Variants in LRRC66 observed in about 807,000 individuals in gnomAD.
The protein encoded by LRRC66 is leucine-rich repeat-containing protein 66.
Under a neutral mutation model 24.6 loss-of-function variants are expected in LRRC66, and 29 were observed. The ratio of observed to expected loss-of-function variants is 1.18; its 90% CI spans 0.88 to 1.61. The LOEUF is 1.61. Ranked by LOEUF, LRRC66 falls within the 40% of genes most tolerant of loss-of-function variation. LRRC66 has a pLI of 0.00. For missense variants in LRRC66, 1,124 were observed against 1,058.0 expected (o/e 1.06, Z -0.87); for synonymous variants, 411 against 397.6 (o/e 1.03, Z -0.40).
chr4:51,994,434 G>A lies in LRRC66; in HGVS notation c.2588C>T (p.Pro863Leu), dbSNP rs1251746443. Residue 863 changes from proline (P) to leucine (L), a missense_variant, in exon 5 of 5, where the codon CCC becomes CTC. By Grantham distance (98) the Pro-to-Leu change is moderately conservative (BLOSUM62 -3). Transcript: ENST00000682860. ...QQTPPCSAEV[P>L]SDPDKAAFHE... ...GAAGGCAGCCTTATCAGGATCTGAG[G>A]GAACTTCAGCAGAACATGGTGGTGT... is the stretch of plus-strand genomic sequence containing the variant. 7 of 1,614,184 alleles carry A rather than the reference G, an allele frequency of 4.3e-6. No individual in the cohort carries two copies. Among genetic ancestry groups the A allele is most frequent in the Middle Eastern group, 1.6e-4 (1 of 6,062 alleles).
chr4:51,996,459 G>C (rs1460868713), intron 4 of LRRC66, among the ~76,000 whole-genome samples: 1 of 151,766 alleles, frequency 6.6e-6, no homozygotes, highest in Admixed American at 6.6e-5. Flanking sequence ...CTGTCACTAT[G>C]TTGCCAAGGC....
chr4:52,008,294 G>A (rs146440279), intron 2 of LRRC66, among the ~76,000 whole-genome samples: 16 of 152,184 alleles, frequency 1.1e-4, no homozygotes, highest in Non-Finnish European at 1.5e-4. Context: ...AAATTCCAGA[G>A]ATCTGCTGCA....
At chr4:51,998,866 T>C (rs1198878271) in intron 3 of LRRC66, among the ~76,000 whole-genome samples, 1 of 152,224 alleles carries the variant, frequency 6.6e-6, no homozygotes, top group Non-Finnish European at 1.5e-5. Context: ...TTCCTCATTT[T>C]CACCTATTCT....
rs369682508 is a variant in LRRC66, at chr4:51,994,603, T to C, written c.2419A>G (p.Arg807Gly). The change falls in exon 5 of 5, where the codon AGG becomes GGG. Residue 807 changes from arginine (R) to glycine (G), a missense_variant. Coordinates refer to ENST00000682860, the MANE Select transcript of LRRC66 (RefSeq NM_001024611.3). ...DRSEGLSPWP[R>G]SPGNSPLGDE... ...CCTAAGGGACTATTCCCTGGTGACC[T>C]GGGCCAGGGTGACAGGCCCTCAGAT... is the stretch of plus-strand genomic sequence containing the variant. 3 of 1,614,190 alleles carry C rather than the reference T, an allele frequency of 1.9e-6. No homozygotes were observed. The highest frequency in any genetic ancestry group is 2.5e-6 in the Non-Finnish European group (3 of 1,180,026).
chr4:51,996,343 C>G (rs889424607), intron 4 of LRRC66, among the ~76,000 whole-genome samples, 178 bp from the exon 5 acceptor site: 1 of 152,134 alleles, frequency 6.6e-6, no homozygotes, highest in Non-Finnish European at 1.5e-5. Context: ...GACTCCTGGG[C>G]TCAAGTGATC....
intron 4 of LRRC66, among the ~76,000 whole-genome samples, chr4:51,996,542 C>A (rs1219647692): frequency 2.0e-5 from 3 of 152,324 alleles, no homozygotes; most frequent in African/African-American, 7.2e-5. Context: ...TAGGTGTGAG[C>A]TGCTGCCCCA....
chr4:52,010,298 A>AT (rs1473006139), intron 2 of LRRC66, among the ~76,000 whole-genome samples: 1 of 152,032 alleles, frequency 6.6e-6, no homozygotes. Flanking sequence ...AGTTCACAAA[A>AT]TTTTTTCTTT....
rs201216051 is a variant in LRRC66 at position 51,995,060 on chromosome 4, G to A, written c.1962C>T (p.Ser654=). ...CTCTTGGGTCACCGTATGGAACCTC[G>A]CTGTAGTGGGCTGAAAGCGCTTCCT... is the stretch of plus-strand genomic sequence containing the variant. ...RAEEALSAHY[S]EVPYGDPRDT... is the part of the protein sequence containing the mutation. The change falls in exon 5 of 5, where the codon AGC becomes AGT. Residue 654 remains serine (S), a synonymous_variant. Transcript: ENST00000682860. The A allele has an allele frequency of 1.8e-5, 29 of 1,614,004 alleles. No individual in the cohort carries two copies. Among genetic ancestry groups the A allele is most frequent in the African/African-American group, 5.3e-5 (4 of 74,922 alleles).
In LRRC66 at chr4:52,014,820, G is replaced by A. The variant is rs551482026; in HGVS notation, c.496+2298C>T. 2.2e-4 allele frequency among the ~76,000 whole-genome samples: 33 copies of A among 152,268 alleles called. No homozygotes were observed. In the South Asian group the frequency reaches 3.9e-3, roughly 18 times the overall value. On this transcript the variant is annotated intron_variant, in intron 2 of 4. Transcript: ENST00000682860. ...TCATGCCTTACACTGAACTTCCACC[G>A]TCTATCTCTTTTCATTCATCTCTCT...
In LRRC66 at chr4:52,017,348, T is replaced by G. The variant is rs747917769; in HGVS notation, c.266A>C (p.His89Pro). ...HTKKEEWKIK[H>P]LDLSNNLISK... ...TATGAGATTGTTACTGAGGTCCAGA[T>G]GTTTTATTTTCCACTCTTCTTTTTT... Residue 89 changes from histidine (H) to proline (P), a missense_variant, in exon 2 of 5, where the codon CAT becomes CCT. Transcript: ENST00000682860. 1.1e-5 allele frequency: 17 copies of G among 1,614,026 alleles called. No individual in the cohort carries two copies. Among genetic ancestry groups the G allele is most frequent in the Non-Finnish European group, 1.4e-5 (16 of 1,180,016 alleles).
rs754177950 is a variant in LRRC66 at position 51,995,179 on chromosome 4, C to T, written c.1843G>A (p.Asp615Asn). 3.1e-6 allele frequency: 5 copies of T among 1,614,210 alleles called. No individual in the cohort carries two copies. Among genetic ancestry groups the T allele is most frequent in the Admixed American group, 1.7e-5 (1 of 60,024 alleles). Residue 615 changes from aspartate (D) to asparagine (N), a missense_variant, in exon 5 of 5, where the codon GAC becomes AAC. Coordinates refer to ENST00000682860, the MANE Select transcript of LRRC66 (RefSeq NM_001024611.3). ...TCCTTAGAAAATTCCATCTGCGAGTCCCAAAGTGACTGTTCAGTGCCCCCT... is the reference window on the plus strand; with the variant it reads ...TCCTTAGAAAATTCCATCTGCGAGTTCCAAAGTGACTGTTCAGTGCCCCCT... Reference protein sequence around the residue: ...ERGGTEQSLWDSQMEFSKERQ... With the variant: ...ERGGTEQSLWNSQMEFSKERQ...
rs766751350 is a variant in LRRC66 at position 51,996,013 on chromosome 4, T to C, written c.1009A>G (p.Lys337Glu). ...GRHTGISTLG[K>E]KAKAGSGLRK... ...AGACCAGAGCCGGCCTTTGCCTTCT[T>C]CCCCAGAGTAGAAATGCCCGTGTGC... Residue 337 changes from lysine to glutamate, a missense_variant, in exon 5 of 5, where the codon AAG becomes GAG. By Grantham distance (56) the Lys-to-Glu change is moderately conservative. Transcript: ENST00000682860. The C allele has an allele frequency of 6.2e-7, 1 of 1,613,950 alleles. No homozygotes were observed. The highest frequency in any genetic ancestry group is 8.5e-7 in the Non-Finnish European group (1 of 1,179,942).
At chr4:52,000,476 C>T (rs1736423355) in intron 3 of LRRC66, among the ~76,000 whole-genome samples, 1 of 152,214 alleles carries the variant, frequency 6.6e-6, no homozygotes. Context: ...TGAGTACTCT[C>T]CTTCCCTTGG....
chr4:52,011,786 C>T (rs1440218259), intron 2 of LRRC66, among the ~76,000 whole-genome samples: 1 of 152,172 alleles, frequency 6.6e-6, no homozygotes, highest in Non-Finnish European at 1.5e-5. Context: ...TATACATATA[C>T]TTATTCTCAG....
intron 1 of LRRC66, chr4:52,017,941 C>A (rs904154050): frequency 1.0e-6 from 1 of 985,402 alleles, no homozygotes; most frequent in African/African-American, 1.7e-5. Context: ...ATGAATGAAA[C>A]CTTACCAAGA....
At chr4:52,007,211 G>A (rs1047413145) in intron 2 of LRRC66, among the ~76,000 whole-genome samples, 4 of 152,106 alleles carry the variant, frequency 2.6e-5, no homozygotes, top group Admixed American at 6.5e-5. Flanking sequence ...ACAGGATCTT[G>A]CTCTGTCACC....
intron 2 of LRRC66, among the ~76,000 whole-genome samples, chr4:52,015,341 G>T (rs1473579791): frequency 1.3e-5 from 2 of 152,012 alleles, no homozygotes; most frequent in Non-Finnish European, 2.9e-5. Flanking sequence ...AAAAAAAAAA[G>T]GGAGAAGAAA....
At chr4:52,010,794 TG>T (rs1736683887) in intron 2 of LRRC66, among the ~76,000 whole-genome samples, 1 of 152,178 alleles carries the variant, frequency 6.6e-6, no homozygotes, top group Admixed American at 6.5e-5. Context: ...TTTTGTAGAA[TG>T]ATTTATTTTT....
intron 2 of LRRC66, among the ~76,000 whole-genome samples, chr4:52,010,792 A>G (rs545707904): frequency 8.5e-5 from 13 of 152,176 alleles, no homozygotes; most frequent in Non-Finnish European, 1.9e-4. Context: ...TTTTTTGTAG[A>G]ATGATTTATT....
Sources: allele counts gnomAD v4.1 joint callset (sites outside exome capture counted in the v4.1 genomes callset), GRCh38; gene constraint gnomAD v4.1.1; transcripts MANE v1.5; gene names NCBI Gene and HGNC (gene_info 2026-07-23, HGNC 2026-07-21).